The following USP12 variants were observed in gnomAD, a reference collection of about 807,000 sequenced individuals.
USP12 encodes ubiquitin carboxyl-terminal hydrolase 12.
In USP12, 19 loss-of-function variants were observed where a neutral mutation model predicts 45.5. That is an observed-to-expected ratio of 0.42 (90% CI 0.29 to 0.61). The LOEUF (loss-of-function observed/expected upper bound fraction) is 0.61, where lower values mean the gene tolerates loss of function less well. USP12 is among the 20% of genes least tolerant of loss of function. USP12 has a pLI of 0.22. For synonymous variants in USP12, 149 were observed against 148.8 expected, an observed-to-expected ratio of 1.00 and a Z score of -0.01; for missense variants, 242 against 447.7, an observed-to-expected ratio of 0.54 and a Z score of 4.15.
At chr13:27,093,031 T>C (rs999874636) in intron 4 of USP12, among the ~76,000 whole-genome samples, 4 of 152,198 alleles carry the variant, frequency 2.6e-5, no homozygotes, top group Middle Eastern at 3.4e-3. Flanking sequence ...ACCCTGTCTC[T>C]ATTAAAATTA....
chr13:27,117,535 G>T (rs1454497241), intron 1 of USP12, among the ~76,000 whole-genome samples: 1 of 151,652 alleles, frequency 6.6e-6, no homozygotes, highest in African/African-American at 2.4e-5. Flanking sequence ...AATAAACTAG[G>T]TTTACACACA....
chr13:27,169,915 TAA>T (rs943169776), intron 1 of USP12, among the ~76,000 whole-genome samples: 1 of 152,222 alleles, frequency 6.6e-6, no homozygotes, highest in African/African-American at 2.4e-5. Context: ...GAACAGTCGG[TAA>T]AGAGTATCAC....
chr13:27,086,252 C>T (rs1211849213), intron 6 of USP12, among the ~76,000 whole-genome samples: 5 of 83,218 alleles, frequency 6.0e-5, no homozygotes, highest in African/African-American at 2.0e-4. Flanking sequence ...TATATATGCA[C>T]ATATACATAT....
At chr13:27,111,922 T>C (rs1875466279) in intron 2 of USP12, among the ~76,000 whole-genome samples, 1 of 152,200 alleles carries the variant, frequency 6.6e-6, no homozygotes, top group Non-Finnish European at 1.5e-5. Flanking sequence ...CTGAAAAAGA[T>C]ACCTTCCTAA....
At chr13:27,128,684 GT>G (rs1876355331) in intron 1 of USP12, among the ~76,000 whole-genome samples, 1 of 152,118 alleles carries the variant, frequency 6.6e-6, no homozygotes, top group African/African-American at 2.4e-5. Context: ...ACCAAATAAT[GT>G]TTCAGCTCTA....
intron 2 of USP12, among the ~76,000 whole-genome samples, chr13:27,110,350 C>T (rs1565993006): frequency 6.6e-6 from 1 of 152,178 alleles, no homozygotes; most frequent in African/African-American, 2.4e-5. Flanking sequence ...GGAAGACAGA[C>T]ACTAGGCAGA....
intron 3 of USP12, among the ~76,000 whole-genome samples, chr13:27,097,704 A>G (rs1874655373): frequency 6.6e-6 from 1 of 152,154 alleles, no homozygotes; most frequent in Non-Finnish European, 1.5e-5. Context: ...CCTGTACCTC[A>G]CAAGGCTGGG....
chr13:27,116,523 A>G lies in USP12; in HGVS notation c.122T>C (p.Leu41Ser). Residue 41 changes from leucine to serine, a missense_variant, in exon 2 of 9, where the codon TTA (leucine) becomes TCA (serine). Coordinates refer to ENST00000282344, the MANE Select transcript of USP12 (RefSeq NM_182488.4). Reference sequence around the variant, plus strand: ...GTATCAATGGATACTTACATTGACTAATCCAAAATAGTGCTCATTGACCGG... The same window carrying G: ...GTATCAATGGATACTTACATTGACTGATCCAAAATAGTGCTCATTGACCGG... ...QFPVNEHYFGLVNFGNTCYCN... is the reference protein window; with the variant it reads ...QFPVNEHYFGSVNFGNTCYCN... 1 of 1,613,482 alleles carries G rather than the reference A, an allele frequency of 6.2e-7. No homozygotes were observed. The highest frequency in any genetic ancestry group is 8.5e-7 in the Non-Finnish European group (1 of 1,179,766).
chr13:27,108,315 T>C (rs541981112), intron 2 of USP12, among the ~76,000 whole-genome samples: 106 of 151,068 alleles, frequency 7.0e-4, no homozygotes, highest in African/African-American at 2.5e-3. Flanking sequence ...TTCTTACTCA[T>C]AGATGGGAAT....
intron 1 of USP12, among the ~76,000 whole-genome samples, chr13:27,161,131 A>G (rs1214241839): frequency 6.6e-6 from 1 of 152,218 alleles, no homozygotes; most frequent in Non-Finnish European, 1.5e-5. Context: ...CCCCCAAGGT[A>G]CCACCTTAAC....
intron 1 of USP12, among the ~76,000 whole-genome samples, chr13:27,156,790 C>G (rs1253877337): frequency 6.6e-6 from 1 of 152,078 alleles, no homozygotes; most frequent in Non-Finnish European, 1.5e-5. Flanking sequence ...CCACTGCACT[C>G]CAGCCTGGGC....
chr13:27,085,225 T>C (rs745837345), intron 6 of USP12, among the ~76,000 whole-genome samples: 6 of 151,810 alleles, frequency 4.0e-5, no homozygotes, highest in African/African-American at 9.7e-5. Flanking sequence ...CAGGCTGGAG[T>C]GCAGTGGCGC....
At chr13:27,094,522 A>G (rs1336196519) in intron 4 of USP12, among the ~76,000 whole-genome samples, 1 of 152,118 alleles carries the variant, frequency 6.6e-6, no homozygotes, top group African/African-American at 2.4e-5. Context: ...AATCAAATGG[A>G]GAAACACCAC....
intron 1 of USP12, among the ~76,000 whole-genome samples, chr13:27,160,331 CAAGTT>C (rs991859222): frequency 6.6e-6 from 1 of 151,696 alleles, no homozygotes; most frequent in Admixed American, 6.6e-5. Flanking sequence ...TTTCATTTGC[CAAGTT>C]AAGTGAAGGC....
intron 1 of USP12, among the ~76,000 whole-genome samples, chr13:27,148,395 G>A (rs886367046): frequency 4.6e-5 from 7 of 151,240 alleles, no homozygotes; most frequent in African/African-American, 1.5e-4. Context: ...TATATTATAG[G>A]CCAGGCATGG....
chr13:27,132,884 C>T (rs1876571463), intron 1 of USP12, among the ~76,000 whole-genome samples: 1 of 152,194 alleles, frequency 6.6e-6, no homozygotes. Context: ...CCTGGCAAAC[C>T]AGCCACTCTG....
chr13:27,074,061 A>C lies in USP12; in HGVS notation c.932+1130T>G, dbSNP rs183321176. Among the ~76,000 whole-genome samples the C allele has an allele frequency of 2.0e-4, 31 of 152,326 alleles. No individual in the cohort carries two copies. The East Asian group carries it at 5.0e-3, about 25-fold the overall frequency. ...GGCTGACCCAGGCAATGGAGGAAGA[A>C]GACGATTATTAAAGAGCATTTGCTC... On this transcript the variant is annotated intron_variant, in intron 7 of 8. Coordinates refer to ENST00000282344, the MANE Select transcript of USP12 (RefSeq NM_182488.4).
At chr13:27,098,911 G>A (rs1874722848) in intron 3 of USP12, among the ~76,000 whole-genome samples, 1 of 152,166 alleles carries the variant, frequency 6.6e-6, no homozygotes, top group African/African-American at 2.4e-5. Flanking sequence ...AAACAAGGAT[G>A]CTGAACACAT....
At chr13:27,117,153 A>T (rs551468732) in intron 1 of USP12, among the ~76,000 whole-genome samples, 1 of 152,358 alleles carries the variant, frequency 6.6e-6, no homozygotes, top group South Asian at 2.1e-4. Context: ...GATAATGACT[A>T]AAAATTCGTT....
Sources: gnomAD v4.1 joint callset for allele counts (sites outside exome capture counted in the v4.1 genomes callset) on GRCh38, gnomAD v4.1.1 for gene constraint, MANE v1.5 for transcripts, NCBI Gene and HGNC (gene_info 2026-07-23, HGNC 2026-07-21) for gene names.